Variants in CDH18 observed in about 807,000 individuals in gnomAD.
CDH18 encodes cadherin-18.
In CDH18, 31 loss-of-function variants were observed where a neutral mutation model predicts 67.9. The ratio of observed to expected loss-of-function variants is 0.46; its 90% CI spans 0.34 to 0.62. CDH18 has a LOEUF of 0.62. Ranked by LOEUF, CDH18 falls within the 20% of genes least tolerant of loss-of-function variation. The pLI is 0.01. For synonymous variants in CDH18, 362 were observed against 347.2 expected, an observed-to-expected ratio of 1.04 and a Z score of -0.48; for missense variants, 890 against 975.5, an observed-to-expected ratio of 0.91 and a Z score of 1.17.
intron 2 of CDH18, among the ~76,000 whole-genome samples, chr5:20,164,345 G>T (rs567777001): frequency 6.6e-6 from 1 of 152,206 alleles, no homozygotes; most frequent in Non-Finnish European, 1.5e-5. Flanking sequence ...GTAGTGCAGT[G>T]GTGTGATATT....
At chr5:20,452,933 A>G (rs1440823701) in intron 1 of CDH18, among the ~76,000 whole-genome samples, 1 of 152,140 alleles carries the variant, frequency 6.6e-6, no homozygotes, top group African/African-American at 2.4e-5. Flanking sequence ...CTTAAACCAC[A>G]CCAACGATAG....
intron 2 of CDH18, among the ~76,000 whole-genome samples, chr5:20,238,305 CTGAGAGAAATTATT>C (rs1483826204): frequency 7.2e-5 from 11 of 152,000 alleles, no homozygotes; most frequent in Admixed American, 6.5e-4. Context: ...ACGTGATAAA[CTGAGAGAAATTATT>C]TGCAAACCAT....
intron 5 of CDH18, among the ~76,000 whole-genome samples, chr5:19,682,180 G>A (rs1580846090): frequency 6.6e-6 from 1 of 151,970 alleles, no homozygotes; most frequent in South Asian, 2.1e-4. Context: ...TTTGACAGCT[G>A]CTCCCTCTTC....
chr5:20,528,486 T>C (rs1275937410), intron 1 of CDH18, among the ~76,000 whole-genome samples: 3 of 151,994 alleles, frequency 2.0e-5, no homozygotes, highest in Admixed American at 2.0e-4. Flanking sequence ...TACTCTCAAA[T>C]TGATCACGTA....
intron 10 of CDH18, among the ~76,000 whole-genome samples, chr5:19,510,824 T>TC (rs1744993521): frequency 6.6e-6 from 1 of 151,404 alleles, no homozygotes; most frequent in African/African-American, 2.4e-5. Flanking sequence ...TTTTTTTTTT[T>TC]TTCTGAGACC....
intron 4 of CDH18, among the ~76,000 whole-genome samples, chr5:19,724,296 C>T (rs904877844): frequency 2.0e-5 from 3 of 151,864 alleles, no homozygotes; most frequent in African/African-American, 4.8e-5. Context: ...ATTTATATAG[C>T]GTTTTTGAAA....
intron 4 of CDH18, among the ~76,000 whole-genome samples, chr5:19,730,973 T>A (rs926304128): frequency 5.9e-5 from 9 of 152,180 alleles, no homozygotes; most frequent in Non-Finnish European, 1.2e-4. Flanking sequence ...ATGAGGAGGC[T>A]TTCTGCTGGA....
chr5:20,139,214 G>A (rs961974087), intron 2 of CDH18, among the ~76,000 whole-genome samples: 1 of 152,132 alleles, frequency 6.6e-6, no homozygotes, highest in African/African-American at 2.4e-5. Flanking sequence ...AAGAAATGGG[G>A]AAAGGATTCC....
intron 2 of CDH18, among the ~76,000 whole-genome samples, chr5:20,196,479 C>A (rs930128857): frequency 6.6e-6 from 1 of 152,140 alleles, no homozygotes. Flanking sequence ...TTAGATATTA[C>A]TCTGCTTTAT....
intron 5 of CDH18, among the ~76,000 whole-genome samples, chr5:19,643,894 C>G (rs554512290): frequency 1.3e-5 from 2 of 152,120 alleles, no homozygotes; most frequent in South Asian, 4.2e-4. Flanking sequence ...TTAGTTTGAT[C>G]GTGATAAATA....
chr5:20,512,257 G>A (rs1274621603), intron 1 of CDH18, among the ~76,000 whole-genome samples: 1 of 151,964 alleles, frequency 6.6e-6, no homozygotes. Context: ...GCTATTTTGT[G>A]TATCTATTTT....
chr5:19,863,354 G>A (rs759240304), intron 2 of CDH18, among the ~76,000 whole-genome samples: 84 of 152,260 alleles, frequency 5.5e-4, no homozygotes, highest in Non-Finnish European at 1.1e-3. Context: ...CAAGGTTAAC[G>A]CAGTGGGGAA....
chr5:20,116,268 G>A (rs1466760695), intron 2 of CDH18, among the ~76,000 whole-genome samples: 1 of 151,972 alleles, frequency 6.6e-6, no homozygotes, highest in Non-Finnish European at 1.5e-5. Context: ...CTGCATAATG[G>A]GAGGCCCGAG....
chr5:19,605,512 G>T (rs1747892515), intron 6 of CDH18, among the ~76,000 whole-genome samples: 1 of 151,866 alleles, frequency 6.6e-6, no homozygotes, highest in Admixed American at 6.6e-5. Flanking sequence ...AATTGATAGA[G>T]AATACATCTA....
At chr5:19,971,101 T>C (rs1471365939) in intron 2 of CDH18, among the ~76,000 whole-genome samples, 2 of 151,950 alleles carry the variant, frequency 1.3e-5, no homozygotes, top group Non-Finnish European at 2.9e-5. Context: ...TAAAGCAAAT[T>C]AATCCATTTT....
intron 2 of CDH18, among the ~76,000 whole-genome samples, chr5:20,064,186 A>G (rs887472580): frequency 2.6e-5 from 4 of 152,176 alleles, no homozygotes; most frequent in African/African-American, 9.6e-5. Flanking sequence ...TAGCAAACAC[A>G]CTGCACATCA....
intron 3 of CDH18, among the ~76,000 whole-genome samples, chr5:19,815,210 G>A (rs764740615): frequency 6.6e-6 from 1 of 151,860 alleles, no homozygotes; most frequent in Non-Finnish European, 1.5e-5. Flanking sequence ...GATGACTACT[G>A]GAAAAGTTAT....
chr5:19,933,294 A>G (rs1368639642), intron 2 of CDH18, among the ~76,000 whole-genome samples: 1 of 151,612 alleles, frequency 6.6e-6, no homozygotes, highest in Non-Finnish European at 1.5e-5. Context: ...TTAAAAATTT[A>G]CCAGTAGACA....
At chr5:19,603,878 A>AT (rs953995019) in intron 6 of CDH18, among the ~76,000 whole-genome samples, 6 of 150,500 alleles carry the variant, frequency 4.0e-5, no homozygotes, top group East Asian at 1.9e-4. Flanking sequence ...ACTCATTAGA[A>AT]TTTTTTTTAC....
Sources: gnomAD v4.1 joint callset for allele counts (sites outside exome capture counted in the v4.1 genomes callset) on GRCh38, gnomAD v4.1.1 for gene constraint, MANE v1.5 for transcripts, NCBI Gene and HGNC (gene_info 2026-07-23, HGNC 2026-07-21) for gene names.